Variants in SRGAP1 observed in about 807,000 individuals in gnomAD.
SRGAP1 encodes the protein SLIT-ROBO Rho GTPase activating protein 1, also known as SLIT-ROBO Rho GTPase-activating protein 1.
A neutral mutation model predicts 121.9 loss-of-function variants in SRGAP1; 43 were observed. That is an observed-to-expected ratio of 0.35 (90% CI 0.28 to 0.46). SRGAP1 has a LOEUF of 0.46. Among genes scored for constraint, SRGAP1 ranks in the 20% least tolerant of loss-of-function variants. The probability of loss-of-function intolerance (pLI) is 1.00; values close to 1 mark genes in which losing one functional copy is unlikely to be tolerated. For missense variants in SRGAP1, 1,102 were observed against 1,350.9 expected, an observed-to-expected ratio of 0.82 and a Z score of 2.89; for synonymous variants, 447 against 485.4, an observed-to-expected ratio of 0.92 and a Z score of 1.04.
intron 3 of SRGAP1, among the ~76,000 whole-genome samples, chr12:64,001,358 T>G (rs1218319267): frequency 6.6e-6 from 1 of 152,226 alleles, no homozygotes; most frequent in African/African-American, 2.4e-5. Context: ...TGTGCAAAGT[T>G]AGCATTTTCC....
chr12:64,055,004 G>A (rs1328561890), intron 6 of SRGAP1, among the ~76,000 whole-genome samples: 3 of 151,006 alleles, frequency 2.0e-5, no homozygotes, highest in Non-Finnish European at 2.9e-5. Context: ...TCTGGCCAGG[G>A]CAATTAGGCA....
intron 11 of SRGAP1, among the ~76,000 whole-genome samples, chr12:64,088,614 G>T (rs1470265971): frequency 6.6e-6 from 1 of 152,202 alleles, no homozygotes; most frequent in Admixed American, 6.5e-5. Flanking sequence ...TTCACTTGAT[G>T]TGGGTGTAGC....
chr12:64,081,972 C>T (rs1260945146), intron 10 of SRGAP1: 30 of 42,192 alleles, frequency 7.1e-4, no homozygotes, highest in Non-Finnish European at 9.9e-4. Flanking sequence ...CCTGTTTTTT[C>T]TTTTTTCCCT....
intron 12 of SRGAP1, 107 bp from the exon 13 acceptor site, chr12:64,094,825 A>C: frequency 9.1e-7 from 1 of 1,096,386 alleles, no homozygotes; most frequent in South Asian, 1.3e-5. Context: ...GGTTTGCTCC[A>C]GAACTGCAAA....
intron 17 of SRGAP1, among the ~76,000 whole-genome samples, chr12:64,112,228 C>T (rs1301112085): frequency 6.6e-6 from 1 of 152,006 alleles, no homozygotes; most frequent in East Asian, 1.9e-4. Flanking sequence ...TTTTTGTAGA[C>T]AAAAAGGGTT....
At chr12:64,051,778 GTC>G (rs1378997673) in intron 6 of SRGAP1, among the ~76,000 whole-genome samples, 3 of 151,846 alleles carry the variant, frequency 2.0e-5, no homozygotes, top group South Asian at 2.1e-4. Context: ...TTCTCTCTCT[GTC>G]TCTCTCTCTT....
intron 3 of SRGAP1, among the ~76,000 whole-genome samples, chr12:64,006,820 T>C (rs1157955095): frequency 6.6e-6 from 1 of 152,170 alleles, no homozygotes; most frequent in Admixed American, 6.5e-5. Context: ...ACGAGTTGAA[T>C]GGATTTTTGC....
intron 7 of SRGAP1, among the ~76,000 whole-genome samples, chr12:64,064,186 T>C (rs1253565878): frequency 6.6e-6 from 1 of 152,158 alleles, no homozygotes; most frequent in Admixed American, 6.5e-5. Flanking sequence ...GGTTTAATTG[T>C]TTTAATAAAG....
chr12:63,960,813 C>G (rs916505612), intron 1 of SRGAP1, among the ~76,000 whole-genome samples: 3 of 152,088 alleles, frequency 2.0e-5, no homozygotes, highest in African/African-American at 7.2e-5. Flanking sequence ...TTGGGGTGTG[C>G]TTTCAGTCCA....
chr12:63,933,262 C>T (rs924091854), intron 1 of SRGAP1, among the ~76,000 whole-genome samples: 7 of 152,082 alleles, frequency 4.6e-5, no homozygotes, highest in Non-Finnish European at 8.8e-5. Context: ...ACCATATGTC[C>T]TTGCAGGCAG....
At chr12:63,896,843 T>C (rs1180417565) in intron 1 of SRGAP1, among the ~76,000 whole-genome samples, 1 of 152,206 alleles carries the variant, frequency 6.6e-6, no homozygotes, top group Non-Finnish European at 1.5e-5. Flanking sequence ...GTTGTTAATT[T>C]GGAATTACTT....
chr12:64,078,949 A>G lies in SRGAP1; in HGVS notation c.1156A>G (p.Thr386Ala). The G allele has an allele frequency of 6.2e-7, 1 of 1,614,008 alleles. No individual in the cohort carries two copies. Residue 386 changes from threonine (T) to alanine (A), a missense_variant, in exon 9 of 22, where the codon ACG becomes GCG. This residue lies in a region of SRGAP1 where 747 missense variants were observed against 929.4 expected (regional missense o/e 0.80). Transcript: ENST00000355086. Reference sequence around the variant, plus strand: ...GAAAACGACTGAAGCCACCTTGCAGACGATACAAGATATGGTCACCATCGA... The same window carrying G: ...GAAAACGACTGAAGCCACCTTGCAGGCGATACAAGATATGGTCACCATCGA... ...VKKTTEATLQ[T>A]IQDMVTIEDY...
chr12:63,873,690 A>C (rs749464515), intron 1 of SRGAP1, among the ~76,000 whole-genome samples: 1 of 151,676 alleles, frequency 6.6e-6, no homozygotes, highest in Non-Finnish European at 1.5e-5. Context: ...TTTTTTTGAG[A>C]TGGAGTCTCA....
intron 16 of SRGAP1, 132 bp from the exon 17 acceptor site, chr12:64,111,630 T>G: frequency 5.6e-6 from 4 of 715,806 alleles, no homozygotes; most frequent in Non-Finnish European, 8.8e-6. Context: ...TCATTTCACT[T>G]TCTTTGGAGT....
intron 6 of SRGAP1, among the ~76,000 whole-genome samples, chr12:64,053,302 A>G (rs1170694026): frequency 6.6e-6 from 1 of 152,212 alleles, no homozygotes; most frequent in East Asian, 1.9e-4. Flanking sequence ...ATAATAAGTA[A>G]GCAAACGGGT....
intron 18 of SRGAP1, among the ~76,000 whole-genome samples, chr12:64,122,494 G>C (rs1298191704): frequency 6.6e-6 from 1 of 152,202 alleles, no homozygotes; most frequent in Non-Finnish European, 1.5e-5. Context: ...ATTACTAGTT[G>C]ATGTACTAGG....
At chr12:63,910,834 G>A (rs982572089) in intron 1 of SRGAP1, among the ~76,000 whole-genome samples, 8 of 152,124 alleles carry the variant, frequency 5.3e-5, no homozygotes, top group African/African-American at 1.9e-4. Flanking sequence ...TGGGAACAGT[G>A]GAGAGGTCAT....
chr12:64,088,644 C>T (rs1286553132), intron 11 of SRGAP1, among the ~76,000 whole-genome samples: 1 of 152,182 alleles, frequency 6.6e-6, no homozygotes, highest in East Asian at 1.9e-4. Flanking sequence ...ATCATCAGAC[C>T]TCTGCCATGG....
At chr12:64,027,329 G>A (rs555183487) in intron 4 of SRGAP1, among the ~76,000 whole-genome samples, 1 of 152,010 alleles carries the variant, frequency 6.6e-6, no homozygotes, top group African/African-American at 2.4e-5. Flanking sequence ...TATAGTGTGG[G>A]TACATAACAC....
Sources: gnomAD v4.1 joint callset for allele counts (sites outside exome capture counted in the v4.1 genomes callset) on GRCh38, gnomAD v4.1.1 for gene constraint, gnomAD v4.1.1 regional missense constraint, MANE v1.5 for transcripts, NCBI Gene and HGNC (gene_info 2026-07-23, HGNC 2026-07-21) for gene names.